FRMD6: variants seen among roughly 807,000 people sequenced by gnomAD.
FRMD6 encodes the protein FERM domain-containing protein 6.
In FRMD6, 37 loss-of-function variants were observed where a neutral mutation model predicts 73.2. The ratio of observed to expected loss-of-function variants is 0.51; its 90% CI spans 0.39 to 0.66. FRMD6 has a LOEUF of 0.66. Ranked by LOEUF, FRMD6 falls within the 30% of genes least tolerant of loss-of-function variation. The pLI is 0.00. For missense variants in FRMD6, 714 were observed against 780.5 expected (o/e 0.91, Z 1.02); for synonymous variants, 273 against 282.2 (o/e 0.97, Z 0.33).
chr14:51,606,798 G>C (rs1267895413), intron 2 of FRMD6, among the ~76,000 whole-genome samples: 1 of 152,146 alleles, frequency 6.6e-6, no homozygotes, highest in Non-Finnish European at 1.5e-5. Context: ...TGCTGACCTA[G>C]CATGGCTCAG....
At chr14:51,636,142 G>A (rs184323911) in intron 2 of FRMD6, among the ~76,000 whole-genome samples, 1 of 152,310 alleles carries the variant, frequency 6.6e-6, no homozygotes, top group East Asian at 1.9e-4. Context: ...GGTGAGACAA[G>A]ATGGTGGATC....
At chr14:51,474,568 G>A in the FRMD6 span, among the ~76,000 whole-genome samples, 2 of 152,184 alleles carry the variant, frequency 1.3e-5, no homozygotes, top group African/African-American at 2.4e-5. Context: ...GAAAGGAAGA[G>A]GGAGAATTCT....
chr14:51,655,360 G>A (rs1892746153), intron 1 of FRMD6, among the ~76,000 whole-genome samples: 1 of 152,178 alleles, frequency 6.6e-6, no homozygotes, highest in African/African-American at 2.4e-5. Flanking sequence ...TAAAACAATG[G>A]AGAGTTAGGA....
chr14:51,418,100 C>A, the FRMD6 span, among the ~76,000 whole-genome samples: 1,311 of 152,284 alleles, frequency 8.6e-3, 18 homozygotes, highest in Middle Eastern at 0.048. Flanking sequence ...GTTCAAACAT[C>A]CTCCTTTAGC....
chr14:51,452,461 T>G, the FRMD6 span, among the ~76,000 whole-genome samples: 1 of 152,160 alleles, frequency 6.6e-6, no homozygotes, highest in Non-Finnish European at 1.5e-5. Flanking sequence ...AAGCTGTAAG[T>G]TTGGGATGTT....
At chr14:51,650,034 G>C (rs1274650832), upstream of FRMD6, 1 of 152,208 alleles carries the variant, frequency 6.6e-6, no homozygotes, top group Non-Finnish European at 1.5e-5. Context: ...CAAAGTGCTG[G>C]AGTACCGCTA....
At chr14:51,445,535 A>C in the FRMD6 span, among the ~76,000 whole-genome samples, 1 of 152,056 alleles carries the variant, frequency 6.6e-6, no homozygotes. Context: ...TTAAAGCTAG[A>C]TGATCAAGTA....
intron 3 of FRMD6, among the ~76,000 whole-genome samples, chr14:51,699,123 C>A (rs918028937): frequency 3.3e-5 from 5 of 152,040 alleles, no homozygotes; most frequent in Non-Finnish European, 4.4e-5. Context: ...TAAAGTTGGT[C>A]AGCTGATAAA....
the FRMD6 span, among the ~76,000 whole-genome samples, chr14:51,449,942 G>A: frequency 6.6e-6 from 1 of 152,200 alleles, no homozygotes; most frequent in Non-Finnish European, 1.5e-5. Flanking sequence ...CCTGATGGCA[G>A]CGATTTCCAT....
chr14:51,516,740 C>T (rs988343355), intron 1 of FRMD6, among the ~76,000 whole-genome samples: 5 of 152,076 alleles, frequency 3.3e-5, no homozygotes, highest in Non-Finnish European at 7.3e-5. Context: ...ATTTTGATGG[C>T]ACTTAGAATA....
chr14:51,486,045 A>G (rs1198987324), upstream of FRMD6, among the ~76,000 whole-genome samples: 1 of 121,158 alleles, frequency 8.3e-6, no homozygotes, highest in Non-Finnish European at 1.8e-5. Context: ...TTTTTTTTTA[A>G]TTGTTTTGAG....
chr14:51,478,370 T>C, the FRMD6 span, among the ~76,000 whole-genome samples: 3 of 152,192 alleles, frequency 2.0e-5, no homozygotes, highest in South Asian at 2.1e-4. Context: ...TGAGAATGAA[T>C]AGTAGTCAGT....
At chr14:51,705,511 C>A (rs531667709) in intron 6 of FRMD6, among the ~76,000 whole-genome samples, 15 of 152,108 alleles carry the variant, frequency 9.9e-5, no homozygotes, top group African/African-American at 3.6e-4. Context: ...TCTTCTATAT[C>A]ATTAGCCCCT....
chr14:51,464,788 C>A, the FRMD6 span, among the ~76,000 whole-genome samples: 3 of 152,258 alleles, frequency 2.0e-5, no homozygotes, highest in East Asian at 5.8e-4. Flanking sequence ...ATGGTGAGGT[C>A]TCTTACCCAT....
chr14:51,524,741 C>T (rs1347093643), intron 1 of FRMD6, among the ~76,000 whole-genome samples: 1 of 152,198 alleles, frequency 6.6e-6, no homozygotes, highest in African/African-American at 2.4e-5. Flanking sequence ...GTTACAGAAA[C>T]AACTGGGTTG....
chr14:51,488,521 T>C (rs1882829836), upstream of FRMD6, among the ~76,000 whole-genome samples: 1 of 152,228 alleles, frequency 6.6e-6, no homozygotes, highest in Admixed American at 6.5e-5. Flanking sequence ...ACATCCTCTC[T>C]ACTGTAGTAC....
chr14:51,534,831 A>C (rs898705486), intron 1 of FRMD6, among the ~76,000 whole-genome samples: 4 of 152,238 alleles, frequency 2.6e-5, no homozygotes, highest in Non-Finnish European at 5.9e-5. Flanking sequence ...TTTTACAAAA[A>C]GCTGATGAGC....
intron 2 of FRMD6, among the ~76,000 whole-genome samples, chr14:51,633,498 G>A (rs1271706310): frequency 6.7e-6 from 1 of 148,278 alleles, no homozygotes; most frequent in African/African-American, 2.5e-5. Context: ...GCTCTTGAAA[G>A]GCTGAGAAAC....
At chr14:51,488,922 G>A (rs1347653519), upstream of FRMD6, among the ~76,000 whole-genome samples, 1 of 152,192 alleles carries the variant, frequency 6.6e-6, no homozygotes, top group Non-Finnish European at 1.5e-5. Context: ...TAATAATCTA[G>A]ACTGGGTCCT....
Sources: allele counts gnomAD v4.1 joint callset (sites outside exome capture counted in the v4.1 genomes callset), GRCh38; gene constraint gnomAD v4.1.1; transcripts MANE v1.5; gene names NCBI Gene and HGNC (gene_info 2026-07-23, HGNC 2026-07-21).